The following LIMK2 variants were observed in gnomAD, a reference collection of about 807,000 sequenced individuals.
The protein encoded by LIMK2 is LIM domain kinase 2.
Under a neutral mutation model 75.7 loss-of-function variants are expected in LIMK2, and 35 were observed. The ratio of observed to expected loss-of-function variants is 0.46; its 90% confidence interval spans 0.35 to 0.61. LIMK2 has a LOEUF of 0.61. LIMK2 is among the 20% of genes least tolerant of loss of function. The pLI is 0.00. For missense variants in LIMK2, 623 were observed against 831.0 expected (o/e 0.75, Z 3.08); for synonymous variants, 301 against 319.2 (o/e 0.94, Z 0.61).
At position 31,212,394 on chromosome 22, in the gene LIMK2, C is replaced by T. The variant is rs551575867; in HGVS notation, c.-15C>T. 1.5e-6 allele frequency: 2 copies of T among 1,338,792 alleles called. No homozygotes were observed. Among genetic ancestry groups the T allele is most frequent in the African/African-American group, 3.0e-5 (2 of 66,940 alleles). The allele number at this position is 1,338,792 out of a possible 1,614,324, so 82.9% of individuals were successfully genotyped here. ...TCCCCCGCCTCCTCCTCCCCATTTC[C>T]GCGCTCCCGGGACCATGTCCGCGCT... On this transcript the variant is annotated 5_prime_UTR_variant, in exon 1 of 16. Transcript: ENST00000331728.
intron 5 of LIMK2, among the ~76,000 whole-genome samples, chr22:31,261,014 C>A (rs980018779): frequency 6.6e-6 from 1 of 152,188 alleles, no homozygotes; most frequent in Admixed American, 6.5e-5. Context: ...GGTATAGAGA[C>A]TAGTTAGGAA....
At chr22:31,240,354 C>T (rs143593699) in intron 2 of LIMK2, among the ~76,000 whole-genome samples, 2 of 151,924 alleles carry the variant, frequency 1.3e-5, no homozygotes, top group South Asian at 2.1e-4. Flanking sequence ...TCATCCCTCA[C>T]GTTTGTTTGT....
chr22:31,234,076 A>G (rs2048550643), intron 2 of LIMK2, among the ~76,000 whole-genome samples: 1 of 151,930 alleles, frequency 6.6e-6, no homozygotes, highest in South Asian at 2.1e-4. Context: ...GCAGTGGCAC[A>G]ATTTCGGCTC....
chr22:31,267,661 TAGG>T (rs1316174813), intron 9 of LIMK2, 112 bp from the exon 10 acceptor site: 3 of 1,128,194 alleles, frequency 2.7e-6, no homozygotes, highest in Non-Finnish European at 3.8e-6. Context: ...TATCACAAGA[TAGG>T]AGGTAGGAGA....
At chr22:31,229,379 G>T (rs2048506849) in intron 2 of LIMK2, among the ~76,000 whole-genome samples, 1 of 152,080 alleles carries the variant, frequency 6.6e-6, no homozygotes, top group Non-Finnish European at 1.5e-5. Flanking sequence ...AAATCTTCAG[G>T]GCTAGGAAGG....
intron 1 of LIMK2, among the ~76,000 whole-genome samples, chr22:31,220,321 G>C (rs2048423087): frequency 6.6e-6 from 1 of 152,180 alleles, no homozygotes; most frequent in Admixed American, 6.5e-5. Flanking sequence ...AGCCAGAACA[G>C]TTATTCCAGT....
chr22:31,272,955 T>C, intron 13 of LIMK2: 1 of 1,257,632 alleles, frequency 8.0e-7, no homozygotes, highest in East Asian at 3.3e-5. Flanking sequence ...CAGGGATCGC[T>C]AAGAGCTCAG....
chr22:31,235,522 A>AC lies in LIMK2; in HGVS notation c.116+9704dup, dbSNP rs2048565940. Among the ~76,000 whole-genome samples, 5 of 152,210 alleles carry AC rather than the reference A, an allele frequency of 3.3e-5. 1 individual carries two copies. The highest frequency in any genetic ancestry group is 3.3e-4 in the Admixed American group (5 of 15,278). On this transcript the variant is annotated intron_variant, in intron 2 of 15. Coordinates refer to ENST00000331728, the MANE Select transcript of LIMK2 (RefSeq NM_005569.4). ...CTCTGTAGCTACAATCCAGGCAGGAACAAGCCCTAGGTACCTCCGGAGAGG... is the reference window on the plus strand; with the variant it reads ...CTCTGTAGCTACAATCCAGGCAGGAACCAAGCCCTAGGTACCTCCGGAGAGG...
At position 31,262,707 on chromosome 22, in the gene LIMK2, T is replaced by C; in HGVS notation, c.770T>C (p.Met257Thr). 1 of 1,614,152 alleles carries C rather than the reference T, an allele frequency of 6.2e-7. No homozygotes were observed. ...CTGGAGGCCCGGCTCGCTCCTCACA[T>C]GCAGAATGCCGGACACCCCCACGCC... ...LRLEARLAPH[M>T]QNAGHPHALS... The change falls in exon 7 of 16, where the codon ATG (methionine) becomes ACG (threonine). Residue 257 changes from methionine (M) to threonine (T), a missense_variant. Physicochemically the swap from Met to Thr is moderately conservative, Grantham distance 81 (BLOSUM62 -1). Transcript: ENST00000331728. The surrounding 1 kb of genome is among the most constrained non-coding windows in gnomAD (Gnocchi z 5.0).
At chr22:31,245,605 TTGAC>T (rs1200013294) in intron 2 of LIMK2, among the ~76,000 whole-genome samples, 1 of 152,012 alleles carries the variant, frequency 6.6e-6, no homozygotes, top group Non-Finnish European at 1.5e-5. Context: ...ACTGGCCTGA[TTGAC>T]TGATTTTTTT....
Position 31,272,608 on chromosome 22 carries a change from G to T in LIMK2, c.1462G>T (p.Ala488Ser), listed in dbSNP as rs553269007. The T allele has an allele frequency of 3.1e-6, 5 of 1,613,972 alleles. No homozygotes were observed. Among genetic ancestry groups the T allele is most frequent in the Non-Finnish European group, 4.2e-6 (5 of 1,180,010 alleles). The change falls in exon 13 of 16, where the codon GCC becomes TCC. Residue 488 changes from alanine to serine, a missense_variant. Coordinates refer to ENST00000331728, the MANE Select transcript of LIMK2 (RefSeq NM_005569.4). ...EERKRAPMEK[A>S]TTKKRTLRKN... is the part of the protein sequence containing the mutation. ...GAGGAAAAGGGCCCCCATGGAGAAG[G>T]CCACCACCAAGAAACGCACCTTGCG... is the stretch of plus-strand genomic sequence containing the variant.
chr22:31,232,763 ATT>A (rs1178125397), intron 2 of LIMK2, among the ~76,000 whole-genome samples: 1 of 151,212 alleles, frequency 6.6e-6, no homozygotes, highest in Non-Finnish European at 1.5e-5. Flanking sequence ...TGCCCAGCTA[ATT>A]TTTTTTTAAT....
chr22:31,272,374 C>T lies in LIMK2; in HGVS notation c.1384-156C>T, dbSNP rs1027788737. 41 of 644,568 alleles carry T rather than the reference C, an allele frequency of 6.4e-5. No homozygotes were observed. In the African/African-American group the frequency reaches 7.0e-4, roughly 11 times the overall value. 39.9% of individuals were successfully genotyped at this position (644,568 alleles called of 1,614,324 possible). On this transcript the variant is annotated intron_variant, in intron 12 of 15. Transcript: ENST00000331728. Reference sequence around the variant, plus strand: ...ACAGGTGGAAGCCACCGTGCCTGGCCTGAGTGTGTCTATTTGATAGAGCTT... The same window carrying T: ...ACAGGTGGAAGCCACCGTGCCTGGCTTGAGTGTGTCTATTTGATAGAGCTT...
chr22:31,268,092 C>T (rs368633342), intron 10 of LIMK2, 52 bp from the exon 11 acceptor site: 1 of 1,584,864 alleles, frequency 6.3e-7, no homozygotes, highest in Non-Finnish European at 8.7e-7. Flanking sequence ...GGGCCTGGAC[C>T]ACGAGTGGGA....
chr22:31,230,087 G>A (rs1445972893), intron 2 of LIMK2: 1 of 130,896 alleles, frequency 7.6e-6, no homozygotes, highest in East Asian at 2.3e-4. Flanking sequence ...CTAGTGAAGT[G>A]AAATTGTGGG....
chr22:31,272,900 C>G (rs986230680), intron 13 of LIMK2, 196 bp downstream of exon 13: 7 of 1,358,320 alleles, frequency 5.2e-6, no homozygotes, highest in Admixed American at 6.4e-5. Context: ...GATCAGTGTC[C>G]CATCATGGGG....
chr22:31,223,976 C>T (rs2048458258), intron 1 of LIMK2, among the ~76,000 whole-genome samples: 1 of 152,166 alleles, frequency 6.6e-6, no homozygotes, highest in African/African-American at 2.4e-5. Flanking sequence ...CTTGAAGTGC[C>T]AGGAGCTGTG....
intron 15 of LIMK2, chr22:31,277,184 C>G: frequency 6.2e-7 from 1 of 1,612,012 alleles, no homozygotes; most frequent in Non-Finnish European, 8.5e-7. Context: ...AGGACAATCG[C>G]TACCCCCCGA....
chr22:31,275,197 T>C lies in LIMK2; in HGVS notation c.1661T>C (p.Leu554Pro), dbSNP rs1320808783. Residue 554 changes from leucine (L) to proline (P), a missense_variant, in exon 15 of 16, where the codon CTG becomes CCG. Physicochemically the swap from Leu to Pro is moderately conservative, Grantham distance 98. Transcript: ENST00000331728. ...GATCCTGACTGCCTTCCCCGAACAC[T>C]GGACTTTGGCCTCAACGTGAAGCTT... ...YADPDCLPRT[L>P]DFGLNVKLFW... 1 of 1,614,230 alleles carries C rather than the reference T, an allele frequency of 6.2e-7. No homozygotes were observed. Among genetic ancestry groups the C allele is most frequent in the Non-Finnish European group, 8.5e-7 (1 of 1,180,042 alleles).
Sources: gnomAD v4.1 joint callset for allele counts (sites outside exome capture counted in the v4.1 genomes callset) on GRCh38, gnomAD v4.1.1 for gene constraint, Gnocchi (gnomAD v3.1) non-coding constraint, MANE v1.5 for transcripts, NCBI Gene and HGNC (gene_info 2026-07-23, HGNC 2026-07-21) for gene names.